The following BRWD1 variants were observed in gnomAD, a reference collection of about 807,000 sequenced individuals.
BRWD1 encodes the protein bromodomain and WD repeat-containing protein 1.
A neutral mutation model predicts 251.2 loss-of-function variants in BRWD1; 82 were observed. The ratio of observed to expected loss-of-function variants is 0.33; its 90% CI spans 0.27 to 0.39. The LOEUF is 0.39. Among genes scored for constraint, BRWD1 ranks in the 10% least tolerant of loss-of-function variants. The pLI, the probability that BRWD1 is intolerant of heterozygous loss-of-function variation, is 1.00. For missense variants in BRWD1, 2,233 were observed against 2,711.6 expected (o/e 0.82, Z 3.92); for synonymous variants, 918 against 902.8 (o/e 1.02, Z -0.30).
At chr21:39,202,289 C>T (rs957056066) in intron 38 of BRWD1, 36 bp downstream of exon 38, 3 of 1,519,142 alleles carry the variant, frequency 2.0e-6, no homozygotes, top group Non-Finnish European at 2.7e-6. Context: ...CATTTGGGTG[C>T]TCAGCAAAGA....
chr21:39,296,508 A>G, intron 5 of BRWD1, 145 bp from the exon 6 acceptor site: 2 of 1,257,536 alleles, frequency 1.6e-6, no homozygotes, highest in Non-Finnish European at 2.0e-6. Flanking sequence ...CTGGAGGTTT[A>G]TTAGACTATT....
intron 29 of BRWD1, among the ~76,000 whole-genome samples, chr21:39,222,690 C>T (rs569422652): frequency 2.6e-5 from 4 of 152,204 alleles, no homozygotes; most frequent in African/African-American, 9.6e-5. Flanking sequence ...TTCCAACTAA[C>T]ACATGTAAGA....
Position 39,312,883 on chromosome 21 carries a change from C to A in BRWD1, c.156G>T (p.Leu52Phe). ...TGTTGTGCTCGTTGCCCTCCCAGTC[C>A]AATCTCTTCGGCAACAACTGGAAAG... ...LEQYQLLPKR[L>F]DWEGNEHNRS... Residue 52 changes from leucine (L) to phenylalanine (F), a missense_variant, in exon 4 of 41, where the codon TTG becomes TTT. Physicochemically the swap from Leu to Phe is conservative, Grantham distance 22 (BLOSUM62 0). Around this residue, in one of 12 missense-constraint regions of BRWD1, gnomAD observed 101 missense variants for 95.6 expected, o/e 1.06. Coordinates refer to ENST00000342449, the MANE Select transcript of BRWD1 (RefSeq NM_033656.4). 6.5e-7 allele frequency: 1 copy of A among 1,544,318 alleles called. No individual in the cohort carries two copies. The highest frequency in any genetic ancestry group is 8.7e-7 in the Non-Finnish European group (1 of 1,145,548).
At chr21:39,279,865 G>A (rs2035403329) in intron 9 of BRWD1, among the ~76,000 whole-genome samples, 1 of 152,004 alleles carries the variant, frequency 6.6e-6, no homozygotes, top group Non-Finnish European at 1.5e-5. Flanking sequence ...GTTCCTGCCT[G>A]AATTTCCAAT....
downstream of BRWD1, chr21:39,185,168 A>G (rs2146423214): frequency 6.6e-6 from 1 of 152,118 alleles, no homozygotes; most frequent in Non-Finnish European, 1.5e-5. Flanking sequence ...TTCGAATTAA[A>G]TACTTAGCCA....
chr21:39,262,692 C>T (rs911736331), intron 17 of BRWD1, among the ~76,000 whole-genome samples: 4 of 151,442 alleles, frequency 2.6e-5, no homozygotes, highest in African/African-American at 9.7e-5. Flanking sequence ...TCCAGTCTGC[C>T]GACGGAGCAA....
At position 39,215,224 on chromosome 21, in the gene BRWD1, T is replaced by G. The variant is rs779922901; in HGVS notation, c.3785+13A>C. ...TGCAGTCACTTTTACACAACATCTA[T>G]GAAATTACTTACTTGATAAATTTTA... On this transcript the variant is annotated intron_variant, in intron 32 of 40. Coordinates refer to ENST00000342449, the MANE Select transcript of BRWD1 (RefSeq NM_033656.4). 7 of 1,608,794 alleles carry G rather than the reference T, an allele frequency of 4.4e-6. No individual in the cohort carries two copies. The highest frequency in any genetic ancestry group is 6.0e-6 in the Non-Finnish European group (7 of 1,175,742).
chr21:39,218,374 A>C, intron 30 of BRWD1, 102 bp from the exon 31 acceptor site: 1 of 1,456,826 alleles, frequency 6.9e-7, no homozygotes, highest in South Asian at 1.4e-5. Context: ...TTAACATTAC[A>C]GGCTAAATTA....
Position 39,194,863 on chromosome 21 carries a change from T to C in BRWD1, c.*1396A>G, listed in dbSNP as rs2031729980. 3 of 1,532,808 alleles carry C rather than the reference T, an allele frequency of 2.0e-6. No individual in the cohort carries two copies. Among genetic ancestry groups the C allele is most frequent in the East Asian group, 2.4e-5 (1 of 40,840 alleles). 95.0% of individuals were successfully genotyped at this position (1,532,808 alleles called of 1,614,324 possible). ...GATACACAGGAGAAAAGGGTTAATT[T>C]TGTCTGAAATCAAACACAATTAGGG... On this transcript the variant is annotated 3_prime_UTR_variant, in exon 41 of 41. Coordinates refer to ENST00000342449, the MANE Select transcript of BRWD1 (RefSeq NM_033656.4).
rs527554201 is a variant in BRWD1 at position 39,265,236 on chromosome 21, C to G, written c.1531-217G>C. 2.6e-5 allele frequency among the ~76,000 whole-genome samples: 4 copies of G among 152,032 alleles called. No individual in the cohort carries two copies. The South Asian group carries it at 8.3e-4, about 32-fold the overall frequency. ...CACAGGAGTTCAAGACCACCCTGGG[C>G]AACATGGTGAAACCCTGTCTCTACT... On this transcript the variant is annotated intron_variant, in intron 15 of 40. Transcript: ENST00000342449.
In BRWD1 at chr21:39,190,496, A is replaced by G. The variant is rs979676269; in HGVS notation, c.*5763T>C. 104 of 985,288 alleles carry G rather than the reference A, an allele frequency of 1.1e-4. No individual in the cohort carries two copies. Among genetic ancestry groups the G allele is most frequent in the African/African-American group, 2.1e-4 (12 of 57,236 alleles). The allele number at this position is 985,288 out of a possible 1,614,324, so 61.0% of individuals were successfully genotyped here. A position where few individuals can be genotyped will look rare whatever the true frequency, so the allele number is the denominator to read the frequency against. On this transcript the variant is annotated 3_prime_UTR_variant, in exon 41 of 41. Transcript: ENST00000342449. Reference sequence around the variant, plus strand: ...GTTGCTGTGGTTGGTGGATAAATCAAATCCACAAAGTGGGTAAACCCTCTA... The same window carrying G: ...GTTGCTGTGGTTGGTGGATAAATCAGATCCACAAAGTGGGTAAACCCTCTA...
chr21:39,245,285 C>T (rs916130089), intron 21 of BRWD1, among the ~76,000 whole-genome samples: 7 of 152,030 alleles, frequency 4.6e-5, no homozygotes, highest in Admixed American at 2.6e-4. Flanking sequence ...TAATCATAAT[C>T]GTAGCTAACA....
intron 30 of BRWD1, 111 bp from the exon 31 acceptor site, chr21:39,218,383 T>G: frequency 6.9e-7 from 1 of 1,442,518 alleles, no homozygotes; most frequent in East Asian, 2.3e-5. Flanking sequence ...CAGGCTAAAT[T>G]AAAAGATAAC....
Position 39,223,459 on chromosome 21 carries a change from T to C in BRWD1, c.3382+949A>G, listed in dbSNP as rs527765751. On this transcript the variant is annotated intron_variant, in intron 29 of 40. Coordinates refer to ENST00000342449, the MANE Select transcript of BRWD1 (RefSeq NM_033656.4). ...AAAGAAAGCTTGGTGGTGAAAACAA[T>C]GGACACAAGAGATATAGAGTACCCT... Among the ~76,000 whole-genome samples the C allele has an allele frequency of 2.0e-4, 31 of 152,094 alleles. 1 individual carries two copies. Among genetic ancestry groups the C allele is most frequent in the Admixed American group, 1.9e-3 (29 of 15,268 alleles).
chr21:39,268,444 A>C (rs2034996513), intron 15 of BRWD1, among the ~76,000 whole-genome samples: 2 of 51,126 alleles, frequency 3.9e-5, no homozygotes, highest in South Asian at 9.3e-4. Flanking sequence ...TCCATCTCCA[A>C]AAAAAAAAAA....
chr21:39,198,943 A>G lies in BRWD1; in HGVS notation c.5473T>C (p.Ser1825Pro), dbSNP rs757397748. Reference protein sequence around the residue: ...KTKILSDSEDSESEEQDREDG... With the variant: ...KTKILSDSEDPESEEQDREDG... ...TCTCTATCTTGCTCTTCAGATTCAGAGTCTTCTGAGTCACTCAGAATCTTG... is the reference window on the plus strand; with the variant it reads ...TCTCTATCTTGCTCTTCAGATTCAGGGTCTTCTGAGTCACTCAGAATCTTG... Residue 1825 changes from serine (S) to proline (P), a missense_variant, in exon 40 of 41, where the codon TCT becomes CCT. Ser to Pro is a moderately conservative substitution (Grantham distance 74). Around this residue, in one of 12 missense-constraint regions of BRWD1, gnomAD observed 928 missense variants for 970.0 expected, o/e 0.96. Transcript: ENST00000342449. The G allele has an allele frequency of 1.2e-6, 2 of 1,614,000 alleles. No individual in the cohort carries two copies. Among genetic ancestry groups the G allele is most frequent in the South Asian group, 1.1e-5 (1 of 91,040 alleles).
chr21:39,244,186 T>G (rs1358473123), intron 21 of BRWD1, among the ~76,000 whole-genome samples: 1 of 152,056 alleles, frequency 6.6e-6, no homozygotes, highest in Non-Finnish European at 1.5e-5. Context: ...TGCCTCAGCC[T>G]CCCTAGCAGC....
At chr21:39,278,902 ATAT>A in intron 9 of BRWD1, 89 bp from the exon 10 acceptor site, 1 of 1,046,028 alleles carries the variant, frequency 9.6e-7, no homozygotes, top group Non-Finnish European at 1.3e-6. Flanking sequence ...GCATATTTAA[ATAT>A]TATAATTTTT....
upstream of BRWD1, among the ~76,000 whole-genome samples, chr21:39,316,602 G>C (rs112773960): frequency 6.6e-6 from 1 of 152,184 alleles, no homozygotes; most frequent in South Asian, 2.1e-4. Context: ...CAAAATTATC[G>C]TTCTGATACT....
Sources: gnomAD v4.1 joint callset for allele counts (sites outside exome capture counted in the v4.1 genomes callset) on GRCh38, gnomAD v4.1.1 for gene constraint, gnomAD v4.1.1 regional missense constraint, MANE v1.5 for transcripts, NCBI Gene and HGNC (gene_info 2026-07-23, HGNC 2026-07-21) for gene names.